ITGA8: variants seen among roughly 807,000 people sequenced by gnomAD.
ITGA8 encodes integrin alpha-8.
ITGA8 carries 91 observed loss-of-function variants against 142.3 expected under a neutral mutation model. That is an observed-to-expected ratio of 0.64 (90% CI 0.54 to 0.76). ITGA8 has a LOEUF of 0.76. Among genes scored for constraint, ITGA8 ranks in the 30% least tolerant of loss-of-function variants. The pLI is 0.00. For synonymous variants in ITGA8, 505 were observed against 485.2 expected (o/e 1.04, Z -0.54); for missense variants, 1,406 against 1,327.7 (o/e 1.06, Z -0.92).
intron 4 of ITGA8, among the ~76,000 whole-genome samples, chr10:15,680,827 T>C (rs1834723622): frequency 6.6e-6 from 1 of 152,096 alleles, no homozygotes; most frequent in South Asian, 2.1e-4. Flanking sequence ...CAAATGTTTA[T>C]TGTAAGTGGC....
Position 15,616,568 on chromosome 10 carries a change from G to C in ITGA8, c.1400-9C>G, listed in dbSNP as rs370088486. ...TGCACCCACAATCAAATCTTAAAAAGACAAAAACACAGAACACATGCGTGA... is the reference window on the plus strand; with the variant it reads ...TGCACCCACAATCAAATCTTAAAAACACAAAAACACAGAACACATGCGTGA... On this transcript the variant is annotated splice_polypyrimidine_tract_variant and intron_variant, in intron 13 of 29. Transcript: ENST00000378076. 6.2e-7 allele frequency: 1 copy of C among 1,610,704 alleles called. No homozygotes were observed.
chr10:15,548,376 A>G (rs771964906), intron 27 of ITGA8, 79 bp downstream of exon 27: 12 of 982,838 alleles, frequency 1.2e-5, no homozygotes, highest in Admixed American at 2.4e-5. Flanking sequence ...AGAAATCGCT[A>G]TGAAAAGACT....
intron 29 of ITGA8, among the ~76,000 whole-genome samples, chr10:15,518,338 T>C (rs770249034): frequency 6.6e-6 from 1 of 152,206 alleles, no homozygotes; most frequent in South Asian, 2.1e-4. Flanking sequence ...GGTTGTATCT[T>C]ATACTCATTG....
chr10:15,604,353 T>C lies in ITGA8; in HGVS notation c.1973A>G (p.Asp658Gly), dbSNP rs1396386229. Residue 658 changes from aspartate (D) to glycine (G), a missense_variant and splice_region_variant, in exon 20 of 30, where the codon GAT becomes GGT. Coordinates refer to ENST00000378076, the MANE Select transcript of ITGA8 (RefSeq NM_003638.3). Reference sequence around the variant, plus strand: ...ATCTCCAATGATTACCTGATGCTTATCTCTAAAAATGCAGTTTAAAAAGAA... The same window carrying C: ...ATCTCCAATGATTACCTGATGCTTACCTCTAAAAATGCAGTTTAAAAAGAA... ...VPDLKLSARP[D>G]KHQVIIGDEN... 5 of 1,606,198 alleles carry C rather than the reference T, an allele frequency of 3.1e-6. No individual in the cohort carries two copies. Among genetic ancestry groups the C allele is most frequent in the Non-Finnish European group, 4.2e-6 (5 of 1,177,252 alleles).
At chr10:15,644,550 AATTCCTGGC>A (rs1833943246) in intron 12 of ITGA8, among the ~76,000 whole-genome samples, 1 of 135,862 alleles carries the variant, frequency 7.4e-6, no homozygotes, top group Non-Finnish European at 1.6e-5. Context: ...GATGGTCTGG[AATTCCTGGC>A]CTCAAGTGAT....
rs577313572 is a variant in ITGA8 at position 15,555,734 on chromosome 10, T to G, written c.2766+2340A>C. ...TTTTTGAGACGGAGTCTCGCTCTGT[T>G]GCCCAGGCTGGAGTGCAGTGGCGCG... On this transcript the variant is annotated intron_variant, in intron 26 of 29. Coordinates refer to ENST00000378076, the MANE Select transcript of ITGA8 (RefSeq NM_003638.3). 2.6e-5 allele frequency among the ~76,000 whole-genome samples: 4 copies of G among 151,622 alleles called. No homozygotes were observed. The South Asian group carries it at 6.2e-4, about 24-fold the overall frequency.
chr10:15,527,440 A>G (rs368258466), intron 28 of ITGA8, among the ~76,000 whole-genome samples: 1 of 152,338 alleles, frequency 6.6e-6, no homozygotes, highest in East Asian at 1.9e-4. Context: ...TGTTACTTGT[A>G]TGGCATGCAA....
At chr10:15,667,206 G>A (rs1374170322) in intron 8 of ITGA8, among the ~76,000 whole-genome samples, 1 of 152,104 alleles carries the variant, frequency 6.6e-6, no homozygotes, top group African/African-American at 2.4e-5. Context: ...GCCTGTTATT[G>A]GTCTATTCAG....
At chr10:15,711,901 G>C (rs977632268) in intron 2 of ITGA8, among the ~76,000 whole-genome samples, 4 of 152,166 alleles carry the variant, frequency 2.6e-5, no homozygotes, top group African/African-American at 9.7e-5. Flanking sequence ...CTTTCAGCAG[G>C]GTTGAGGTGG....
At chr10:15,674,128 C>T (rs1308774860) in intron 6 of ITGA8, among the ~76,000 whole-genome samples, 1 of 152,106 alleles carries the variant, frequency 6.6e-6, no homozygotes, top group African/African-American at 2.4e-5. Flanking sequence ...ATAAATATTG[C>T]CAAGTGACTG....
In ITGA8 at chr10:15,586,569, T is replaced by G; in HGVS notation, c.2372+15A>C. ...ATACAGAAGGATATTGTACTATGCA[T>G]TGCTTACTACTTACCCTCTTATTTC... On this transcript the variant is annotated intron_variant, in intron 23 of 29. Coordinates refer to ENST00000378076, the MANE Select transcript of ITGA8 (RefSeq NM_003638.3). 1 of 1,519,788 alleles carries G rather than the reference T, an allele frequency of 6.6e-7. No homozygotes were observed. Among genetic ancestry groups the G allele is most frequent in the South Asian group, 1.1e-5 (1 of 88,982 alleles). 94.1% of individuals were successfully genotyped at this position (1,519,788 alleles called of 1,614,324 possible). A position where few individuals can be genotyped will look rare whatever the true frequency, so the allele number is the denominator to read the frequency against.
At chr10:15,532,673 C>T (rs1189348214) in intron 27 of ITGA8, among the ~76,000 whole-genome samples, 2 of 151,994 alleles carry the variant, frequency 1.3e-5, no homozygotes, top group Admixed American at 6.5e-5. Flanking sequence ...TTGTTGGATA[C>T]AATGGTTCGA....
intron 27 of ITGA8, among the ~76,000 whole-genome samples, chr10:15,540,309 GC>G (rs1833543818): frequency 6.6e-6 from 1 of 151,996 alleles, no homozygotes; most frequent in South Asian, 2.1e-4. Context: ...TCCCTTCCCA[GC>G]CTCTGGTAAT....
chr10:15,718,957 T>A, intron 1 of ITGA8, 58 bp from the exon 2 acceptor site: 1 of 1,612,084 alleles, frequency 6.2e-7, no homozygotes, highest in East Asian at 2.2e-5. Flanking sequence ...GCGCATGCAA[T>A]GCAGTCTCTG....
intron 23 of ITGA8, among the ~76,000 whole-genome samples, chr10:15,583,849 A>C (rs1295057833): frequency 6.6e-6 from 1 of 152,240 alleles, no homozygotes; most frequent in Non-Finnish European, 1.5e-5. Context: ...TTTACATTCC[A>C]ATAAATCTGA....
chr10:15,575,958 TGTGTGA>T (rs1342277524), intron 23 of ITGA8, among the ~76,000 whole-genome samples: 5 of 150,684 alleles, frequency 3.3e-5, no homozygotes, highest in African/African-American at 1.2e-4. Context: ...TGTGTGTGTG[TGTGTGA>T]GTGTGTGTGT....
chr10:15,630,567 G>C (rs1833666242), intron 13 of ITGA8, among the ~76,000 whole-genome samples: 1 of 151,922 alleles, frequency 6.6e-6, no homozygotes, highest in East Asian at 1.9e-4. Flanking sequence ...TTCAGGGAAG[G>C]CTTCCTGAGG....
chr10:15,637,308 G>A (rs1465678306), intron 13 of ITGA8, among the ~76,000 whole-genome samples: 1 of 151,984 alleles, frequency 6.6e-6, no homozygotes, highest in Non-Finnish European at 1.5e-5. Flanking sequence ...ACAGCATTTT[G>A]TAAAAATCCT....
intron 26 of ITGA8, among the ~76,000 whole-genome samples, chr10:15,551,427 A>G (rs1224689262): frequency 1.3e-5 from 2 of 152,142 alleles, no homozygotes; most frequent in Non-Finnish European, 2.9e-5. Flanking sequence ...GATAGTTTCA[A>G]GAAGTGGCCA....
Sources: gnomAD v4.1 joint callset for allele counts (sites outside exome capture counted in the v4.1 genomes callset) on GRCh38, gnomAD v4.1.1 for gene constraint, MANE v1.5 for transcripts, NCBI Gene and HGNC (gene_info 2026-07-23, HGNC 2026-07-21) for gene names.